The following SMAD2 variants were observed in gnomAD, a reference collection of about 807,000 sequenced individuals.
SMAD2 encodes SMAD family member 2.
Under a neutral mutation model 64.4 loss-of-function variants are expected in SMAD2, and 8 were observed. The observed-to-expected ratio is 0.12, with a 90% CI of 0.07 to 0.22. The LOEUF (loss-of-function observed/expected upper bound fraction) is 0.22, where lower values mean the gene tolerates loss of function less well. Ranked by LOEUF, SMAD2 falls within the 10% of genes least tolerant of loss-of-function variation. The probability of loss-of-function intolerance (pLI) is 1.00; values close to 1 mark genes in which losing one functional copy is unlikely to be tolerated. For synonymous variants in SMAD2, 203 were observed against 195.8 expected, an observed-to-expected ratio of 1.04 and a Z score of -0.31; for missense variants, 289 against 561.2, an observed-to-expected ratio of 0.51 and a Z score of 4.90.
intron 10 of SMAD2, chr18:47,844,938 G>A: frequency 2.8e-6 from 1 of 354,510 alleles, no homozygotes; most frequent in Non-Finnish European, 5.1e-6. Flanking sequence ...CTATTGTCAA[G>A]ATTATCACTT....
chr18:47,845,250 A>G, intron 10 of SMAD2, 90 bp downstream of exon 10: 1 of 1,301,428 alleles, frequency 7.7e-7, no homozygotes, highest in Non-Finnish European at 1.1e-6. Flanking sequence ...CCTCATTGAA[A>G]ATAGATACAA....
intron 2 of SMAD2, among the ~76,000 whole-genome samples, chr18:47,888,329 C>T (rs879657189): frequency 7.9e-5 from 12 of 152,282 alleles, no homozygotes; most frequent in African/African-American, 1.4e-4. Context: ...CCTGGAGTCA[C>T]GTGTAGATTC....
In SMAD2 at chr18:47,823,327, C is replaced by T. The variant is rs1331001055; in HGVS notation, c.*18500G>A. The T allele has an allele frequency of 6.6e-6, 1 of 152,102 alleles. No individual in the cohort carries two copies. The highest frequency in any genetic ancestry group is 1.5e-5 in the Non-Finnish European group (1 of 68,010). The allele number at this position is 152,102 out of a possible 1,614,324, so 9.4% of individuals were successfully genotyped here. ...ACAAAATCTGATAAAGTTTACAAAT[C>T]TGTTTTATTCTGAACATCTTTGGTA... On this transcript the variant is annotated 3_prime_UTR_variant, in exon 11 of 11. Coordinates refer to ENST00000262160, the MANE Select transcript of SMAD2 (RefSeq NM_005901.6).
At chr18:47,881,937 G>A (rs2032616455) in intron 2 of SMAD2, among the ~76,000 whole-genome samples, 1 of 151,680 alleles carries the variant, frequency 6.6e-6, no homozygotes. Context: ...GAGTGTGGTG[G>A]CGTGATCACT....
chr18:47,917,861 T>G (rs1185804181), intron 1 of SMAD2, among the ~76,000 whole-genome samples: 1 of 152,136 alleles, frequency 6.6e-6, no homozygotes, highest in Non-Finnish European at 1.5e-5. Flanking sequence ...CCAAGGGAAT[T>G]TTTAAAAACC....
At chr18:47,867,625 A>G (rs2144369990) in intron 5 of SMAD2, among the ~76,000 whole-genome samples, 1 of 151,756 alleles carries the variant, frequency 6.6e-6, no homozygotes, top group East Asian at 1.9e-4. Context: ...AGGAAAACAT[A>G]CAAGAAAAGT....
intron 2 of SMAD2, among the ~76,000 whole-genome samples, chr18:47,871,233 G>A (rs978324778): frequency 6.6e-6 from 1 of 152,118 alleles, no homozygotes. Flanking sequence ...AGTGAGAGAA[G>A]GGAAAGAGAG....
chr18:47,896,126 T>C (rs940358278), intron 2 of SMAD2, among the ~76,000 whole-genome samples: 1 of 152,188 alleles, frequency 6.6e-6, no homozygotes, highest in South Asian at 2.1e-4. Flanking sequence ...AGAAAAACCA[T>C]ATAAAATTCA....
At chr18:47,858,126 T>G (rs1201801908) in intron 6 of SMAD2, among the ~76,000 whole-genome samples, 1 of 151,676 alleles carries the variant, frequency 6.6e-6, no homozygotes, top group East Asian at 1.9e-4. Flanking sequence ...ACTATCCAAT[T>G]AAAAAACAAG....
chr18:47,844,155 C>G (rs774697146), intron 10 of SMAD2, among the ~76,000 whole-genome samples: 1 of 152,054 alleles, frequency 6.6e-6, no homozygotes, highest in Non-Finnish European at 1.5e-5. Flanking sequence ...CAATATAACT[C>G]AGAAAAAAAT....
At chr18:47,843,829 T>C (rs1914209988) in intron 10 of SMAD2, among the ~76,000 whole-genome samples, 1 of 152,202 alleles carries the variant, frequency 6.6e-6, no homozygotes, top group African/African-American at 2.4e-5. Flanking sequence ...CCACAGTGAA[T>C]GAAGAAGGGC....
intron 6 of SMAD2, among the ~76,000 whole-genome samples, chr18:47,852,293 C>G (rs1269034672): frequency 2.6e-5 from 4 of 152,126 alleles, no homozygotes; most frequent in South Asian, 2.1e-4. Flanking sequence ...AGCCCTTCTA[C>G]AAGATTTATC....
rs1912448377 is a variant in SMAD2, at chr18:47,818,483, C to T, written c.*23344G>A. The T allele has an allele frequency of 6.6e-6, 1 of 152,160 alleles. No individual in the cohort carries two copies. Among genetic ancestry groups the T allele is most frequent in the African/African-American group, 2.4e-5 (1 of 41,434 alleles). 9.4% of individuals were successfully genotyped at this position (152,160 alleles called of 1,614,324 possible). ...CTCAGGGCAATAATATAAGGTATCT[C>T]TGGTATAGCATAAAAATTGCTTGCC... is the stretch of plus-strand genomic sequence containing the variant. On this transcript the variant is annotated 3_prime_UTR_variant, in exon 11 of 11. Transcript: ENST00000262160.
intron 1 of SMAD2, among the ~76,000 whole-genome samples, chr18:47,928,732 T>C (rs771148170): frequency 5.9e-5 from 9 of 152,242 alleles, no homozygotes; most frequent in Non-Finnish European, 1.5e-5. Context: ...CCTACAATGC[T>C]TGTGGCCGCA....
At position 47,895,707 on chromosome 18, in the gene SMAD2, C is replaced by T. The variant is rs145579182; in HGVS notation, c.236+814G>A. 2.0e-4 allele frequency: 30 copies of T among 152,326 alleles called. No homozygotes were observed. The East Asian group carries it at 5.2e-3, about 26-fold the overall frequency. 9.4% of individuals were successfully genotyped at this position (152,326 alleles called of 1,614,324 possible). ...CTGTTAGTATTTGCAACTAGACAGG[C>T]TGCACTGGTGTTATTGGGATCTGTT... On this transcript the variant is annotated intron_variant, in intron 2 of 10. Coordinates refer to ENST00000262160, the MANE Select transcript of SMAD2 (RefSeq NM_005901.6).
chr18:47,851,218 T>G (rs1018626465), intron 7 of SMAD2, 56 bp downstream of exon 7: 1 of 1,203,446 alleles, frequency 8.3e-7, no homozygotes, highest in Non-Finnish European at 1.2e-6. Context: ...ATGATTTTTA[T>G]TATTAAGTAG....
At chr18:47,846,364 TGA>T (rs747592253) in intron 8 of SMAD2, among the ~76,000 whole-genome samples, 1 of 151,958 alleles carries the variant, frequency 6.6e-6, no homozygotes, top group South Asian at 2.1e-4. Flanking sequence ...CAAAATAATA[TGA>T]GATATAAGAA....
intron 1 of SMAD2, among the ~76,000 whole-genome samples, chr18:47,921,561 T>C (rs1443052075): frequency 6.6e-6 from 1 of 152,190 alleles, no homozygotes; most frequent in Non-Finnish European, 1.5e-5. Context: ...GCCTACTGTT[T>C]TTCCAGTTCC....
At chr18:47,896,838 G>C in intron 1 of SMAD2, 29 bp from the exon 2 acceptor site, 1 of 1,543,538 alleles carries the variant, frequency 6.5e-7, no homozygotes, top group African/African-American at 1.4e-5. Context: ...GGATGATGTA[G>C]AGACTACCTT....
Sources: allele counts gnomAD v4.1 joint callset (sites outside exome capture counted in the v4.1 genomes callset), GRCh38; gene constraint gnomAD v4.1.1; transcripts MANE v1.5; gene names NCBI Gene and HGNC (gene_info 2026-07-23, HGNC 2026-07-21).